Variants in CHN2 observed in about 807,000 individuals in gnomAD.
CHN2 encodes the protein beta-chimaerin.
A neutral mutation model predicts 56.3 loss-of-function variants in CHN2; 35 were observed. The observed-to-expected ratio is 0.62, with a 90% CI of 0.47 to 0.82. The LOEUF is 0.82. Ranked by LOEUF, CHN2 falls within the 40% of genes least tolerant of loss-of-function variation. The pLI is 0.00. For synonymous variants in CHN2, 210 were observed against 212.8 expected, an observed-to-expected ratio of 0.99 and a Z score of 0.12; for missense variants, 491 against 580.5, an observed-to-expected ratio of 0.85 and a Z score of 1.58.
At chr7:29,416,773 C>T (rs536637642) in intron 6 of CHN2, among the ~76,000 whole-genome samples, 25 of 146,242 alleles carry the variant, frequency 1.7e-4, no homozygotes, top group African/African-American at 4.4e-4. Context: ...TGTATGTATG[C>T]GTGTATATGT....
intron 1 of CHN2, among the ~76,000 whole-genome samples, chr7:29,262,498 ATCTT>A (rs1439528275): frequency 6.6e-6 from 1 of 152,242 alleles, no homozygotes; most frequent in African/African-American, 2.4e-5. Context: ...GATGATAAAG[ATCTT>A]TCTTTGAAAT....
At chr7:29,371,743 A>G (rs893081875) in intron 3 of CHN2, among the ~76,000 whole-genome samples, 4 of 152,088 alleles carry the variant, frequency 2.6e-5, no homozygotes, top group African/African-American at 9.7e-5. Context: ...GCCCCGCTCC[A>G]TTGGATGACA....
intron 6 of CHN2, among the ~76,000 whole-genome samples, chr7:29,434,740 C>T (rs1352582796): frequency 6.6e-6 from 1 of 152,120 alleles, no homozygotes; most frequent in African/African-American, 2.4e-5. Flanking sequence ...GAGAAGGTCA[C>T]CACAGGTCTA....
At chr7:29,212,914 T>C (rs1400809541) in intron 1 of CHN2, 32 of 1,610,634 alleles carry the variant, frequency 2.0e-5, no homozygotes, top group Non-Finnish European at 2.7e-5. Flanking sequence ...CAATTCATCC[T>C]GGAGCAACCA....
chr7:29,155,068 G>C (rs245901), intron 2 of CHN2, among the ~76,000 whole-genome samples: 1 of 151,808 alleles, frequency 6.6e-6, no homozygotes, highest in Non-Finnish European at 1.5e-5. Flanking sequence ...CTTATTCACT[G>C]TCAGGAGAAC....
rs1802132954 is a variant in CHN2 at position 29,400,681 on chromosome 7, C to T, written c.429C>T (p.Tyr143=). ...TLYIETKAAE[Y]ISKMTTNPIY... ...ACATAGAAACAAAAGCTGCCGAGTA[C>T]ATTTCAAAAATGACAACTAACCCCA... Residue 143 remains tyrosine, a synonymous_variant, in exon 6 of 13, where the codon TAC becomes TAT. Coordinates refer to ENST00000222792, the MANE Select transcript of CHN2 (RefSeq NM_004067.4). The T allele has an allele frequency of 6.2e-7, 1 of 1,614,152 alleles. No individual in the cohort carries two copies. The highest frequency in any genetic ancestry group is 8.5e-7 in the Non-Finnish European group (1 of 1,180,042).
intron 6 of CHN2, among the ~76,000 whole-genome samples, chr7:29,466,521 T>C (rs1429765134): frequency 1.3e-5 from 2 of 152,234 alleles, no homozygotes; most frequent in East Asian, 3.8e-4. Flanking sequence ...GTACATGTCA[T>C]AGTGATCTCT....
intron 1 of CHN2, among the ~76,000 whole-genome samples, chr7:29,353,367 C>CT (rs1337316776): frequency 6.6e-6 from 1 of 152,210 alleles, no homozygotes; most frequent in Non-Finnish European, 1.5e-5. Context: ...TCAGAAAAGT[C>CT]TAACAGCCAG....
At chr7:29,494,013 G>A (rs367714235) in intron 7 of CHN2, among the ~76,000 whole-genome samples, 15 of 152,006 alleles carry the variant, frequency 9.9e-5, no homozygotes, top group East Asian at 3.9e-4. Context: ...TCCTCTCCCC[G>A]CAACTTTTGG....
At position 29,382,824 on chromosome 7, in the gene CHN2, C is replaced by T. The variant is rs76417524; in HGVS notation, c.145-10855C>T. Among the ~76,000 whole-genome samples, 813 of 152,274 alleles carry T rather than the reference C, an allele frequency of 5.3e-3. 6 individuals carry two copies. Among genetic ancestry groups the T allele is most frequent in the African/African-American group, 0.017 (727 of 41,544 alleles). ...GCTAAGGCATAGAGAGACTGAAGAA[C>T]AAATATTAGAATTCCAGGCAGAGGA... On this transcript the variant is annotated intron_variant, in intron 3 of 12. Transcript: ENST00000222792.
chr7:29,334,118 C>A (rs1446846067), intron 1 of CHN2, among the ~76,000 whole-genome samples: 9 of 141,844 alleles, frequency 6.3e-5, no homozygotes, highest in Non-Finnish European at 1.5e-5. Context: ...GTGGCGCGAT[C>A]TCGGCTCACT....
At chr7:29,430,802 A>G (rs1336710055) in intron 6 of CHN2, among the ~76,000 whole-genome samples, 1 of 131,940 alleles carries the variant, frequency 7.6e-6, no homozygotes, top group Non-Finnish European at 1.6e-5. Context: ...AAAAAAAAAA[A>G]AAAAAAAAAG....
rs568389411 is a variant in CHN2 at position 29,314,727 on chromosome 7, G to A, written c.50-39898G>A. Among the ~76,000 whole-genome samples the A allele has an allele frequency of 8.5e-5, 13 of 152,236 alleles. No homozygotes were observed. In the East Asian group the frequency reaches 2.5e-3, roughly 29 times the overall value. On this transcript the variant is annotated intron_variant, in intron 1 of 12. Transcript: ENST00000222792. The stretch of plus-strand genomic sequence containing the variant: ...CATTTAAGATGAACTGAGGAGGATA[G>A]GTAGGGATCCAAAGTGAAATGGAAA...
At chr7:29,345,353 C>T (rs75300497) in intron 1 of CHN2, among the ~76,000 whole-genome samples, 6,653 of 152,162 alleles carry the variant, frequency 0.044, 234 homozygotes, top group East Asian at 0.14. Flanking sequence ...CAAAACGTTT[C>T]GGATGGTGAA....
intron 1 of CHN2, among the ~76,000 whole-genome samples, chr7:29,263,800 C>T (rs1400659318): frequency 1.3e-5 from 2 of 151,638 alleles, no homozygotes; most frequent in Admixed American, 6.6e-5. Context: ...GCTGCGACCC[C>T]GTCTGGGAGG....
chr7:29,286,886 G>C (rs1792189296), intron 1 of CHN2, among the ~76,000 whole-genome samples: 2 of 152,130 alleles, frequency 1.3e-5, no homozygotes. Context: ...GGTCTTATAG[G>C]ATACCTATGC....
intron 2 of CHN2, among the ~76,000 whole-genome samples, chr7:29,152,181 A>G (rs904234965): frequency 3.9e-5 from 6 of 152,244 alleles, no homozygotes; most frequent in African/African-American, 1.4e-4. Flanking sequence ...GAATACAAGT[A>G]AAATGGGCAA....
intron 1 of CHN2, among the ~76,000 whole-genome samples, chr7:29,303,868 T>C (rs546990497): frequency 6.6e-6 from 1 of 152,332 alleles, no homozygotes; most frequent in East Asian, 1.9e-4. Flanking sequence ...GAGGCCAGCC[T>C]GGCCAACGTG....
intron 1 of CHN2, among the ~76,000 whole-genome samples, chr7:29,235,632 A>G (rs572659544): frequency 6.6e-6 from 1 of 152,248 alleles, no homozygotes; most frequent in Non-Finnish European, 1.5e-5. Context: ...ACATGGAATC[A>G]ATGTAGATGT....
Sources: allele counts gnomAD v4.1 joint callset (sites outside exome capture counted in the v4.1 genomes callset), GRCh38; gene constraint gnomAD v4.1.1; transcripts MANE v1.5; gene names NCBI Gene and HGNC (gene_info 2026-07-23, HGNC 2026-07-21).